ADARB2: variants seen among roughly 807,000 people sequenced by gnomAD.
The protein encoded by ADARB2 is inactive double-stranded RNA-specific editase B2.
Under a neutral mutation model 62.2 loss-of-function variants are expected in ADARB2, and 25 were observed. The ratio of observed to expected loss-of-function variants is 0.40; its 90% CI spans 0.29 to 0.56. The LOEUF (loss-of-function observed/expected upper bound fraction) is 0.56. Among genes scored for constraint, ADARB2 ranks in the 20% least tolerant of loss-of-function variants. The pLI is 0.43. For synonymous variants in ADARB2, 572 were observed against 500.8 expected, an observed-to-expected ratio of 1.14 and a Z score of -1.90; for missense variants, 1,071 against 1,077.4, an observed-to-expected ratio of 0.99 and a Z score of 0.08.
chr10:1,380,433 G>C (rs978849530), intron 1 of ADARB2, among the ~76,000 whole-genome samples: 3 of 152,268 alleles, frequency 2.0e-5, no homozygotes, highest in Non-Finnish European at 4.4e-5. Flanking sequence ...AAGGACGGCT[G>C]TCCACAGGTG....
At chr10:1,590,214 C>G (rs1833234023) in intron 1 of ADARB2, among the ~76,000 whole-genome samples, 1 of 152,172 alleles carries the variant, frequency 6.6e-6, no homozygotes, top group South Asian at 2.1e-4. Flanking sequence ...CATCTGTGCT[C>G]ATTTTCACAT....
chr10:1,452,431 A>T (rs573646911), intron 1 of ADARB2, among the ~76,000 whole-genome samples: 1 of 152,282 alleles, frequency 6.6e-6, no homozygotes, highest in South Asian at 2.1e-4. Flanking sequence ...CTTTCTTAGA[A>T]ATACAGGTGA....
At chr10:1,717,037 T>C (rs1357384531) in intron 1 of ADARB2, among the ~76,000 whole-genome samples, 2 of 151,268 alleles carry the variant, frequency 1.3e-5, no homozygotes, top group Non-Finnish European at 3.0e-5. Context: ...TCTGATCACA[T>C]TATTCTGATC....
At chr10:1,585,897 G>T (rs1443266628) in intron 1 of ADARB2, among the ~76,000 whole-genome samples, 3 of 152,126 alleles carry the variant, frequency 2.0e-5, no homozygotes, top group Admixed American at 2.0e-4. Flanking sequence ...GGCTGGGTGG[G>T]GTGGCGGGCG....
intron 1 of ADARB2, among the ~76,000 whole-genome samples, chr10:1,588,229 A>T (rs1198069274): frequency 1.3e-5 from 2 of 151,828 alleles, no homozygotes. Context: ...GCCCTGAAAC[A>T]CTCACCTTAA....
At chr10:1,424,852 G>A (rs1390151696) in intron 1 of ADARB2, among the ~76,000 whole-genome samples, 5 of 152,292 alleles carry the variant, frequency 3.3e-5, no homozygotes, top group Middle Eastern at 3.4e-3. Flanking sequence ...TGAAGACAAG[G>A]CTAGCCACAA....
At chr10:1,277,907 T>G (rs1295147075) in intron 3 of ADARB2, among the ~76,000 whole-genome samples, 1 of 152,174 alleles carries the variant, frequency 6.6e-6, no homozygotes, top group Non-Finnish European at 1.5e-5. Context: ...TTATCCACCG[T>G]GATCAAGTGG....
intron 3 of ADARB2, among the ~76,000 whole-genome samples, chr10:1,353,085 A>G (rs1037277425): frequency 2.7e-5 from 4 of 150,584 alleles, no homozygotes; most frequent in East Asian, 2.0e-4. Context: ...CTATTCTACT[A>G]CTCCTCAGGG....
At chr10:1,547,974 C>G (rs145221231) in intron 1 of ADARB2, among the ~76,000 whole-genome samples, 1 of 152,000 alleles carries the variant, frequency 6.6e-6, no homozygotes, top group Non-Finnish European at 1.5e-5. Flanking sequence ...ATTCAGGACA[C>G]GTGGTACTTG....
chr10:1,286,553 T>G (rs1831416027), intron 3 of ADARB2, among the ~76,000 whole-genome samples: 1 of 152,194 alleles, frequency 6.6e-6, no homozygotes, highest in South Asian at 2.1e-4. Flanking sequence ...GAAAAATCCC[T>G]TATTGTAGCC....
At chr10:1,375,430 G>A (rs983318948) in intron 2 of ADARB2, among the ~76,000 whole-genome samples, 1 of 152,208 alleles carries the variant, frequency 6.6e-6, no homozygotes, top group African/African-American at 2.4e-5. Flanking sequence ...CTTCCCGCAG[G>A]TATAGGCATG....
intron 1 of ADARB2, among the ~76,000 whole-genome samples, chr10:1,681,198 C>T (rs190558170): frequency 2.2e-3 from 340 of 152,290 alleles, no homozygotes; most frequent in Admixed American, 3.7e-3. Context: ...TCTTTTTTAG[C>T]TGATTTATTT....
intron 7 of ADARB2, 23 bp downstream of exon 7, chr10:1,216,928 C>T (rs747906021): frequency 1.2e-5 from 19 of 1,588,672 alleles, no homozygotes; most frequent in South Asian, 1.1e-4. Context: ...CCAACATCCT[C>T]GAGAGGAAGC....
intron 1 of ADARB2, among the ~76,000 whole-genome samples, chr10:1,473,531 C>T (rs550800003): frequency 6.6e-6 from 1 of 152,230 alleles, no homozygotes; most frequent in African/African-American, 2.4e-5. Context: ...AGACGTGCCA[C>T]CACCCTTGGC....
intron 1 of ADARB2, among the ~76,000 whole-genome samples, chr10:1,679,348 A>G (rs1303772509): frequency 6.6e-6 from 1 of 152,168 alleles, no homozygotes; most frequent in Non-Finnish European, 1.5e-5. Context: ...GCCGGGCACC[A>G]CAATAGCCAA....
intron 1 of ADARB2, among the ~76,000 whole-genome samples, chr10:1,670,992 G>C (rs1385548799): frequency 6.6e-6 from 1 of 152,222 alleles, no homozygotes; most frequent in Non-Finnish European, 1.5e-5. Flanking sequence ...CACACCTCAA[G>C]CCTTTTCCTG....
At chr10:1,485,802 G>A (rs961641665) in intron 1 of ADARB2, among the ~76,000 whole-genome samples, 10 of 152,224 alleles carry the variant, frequency 6.6e-5, no homozygotes, top group African/African-American at 2.4e-4. Flanking sequence ...CCCACCTTGA[G>A]TGTTTGAAAC....
At chr10:1,651,307 G>T (rs572198924) in intron 1 of ADARB2, among the ~76,000 whole-genome samples, 1 of 152,354 alleles carries the variant, frequency 6.6e-6, no homozygotes, top group Admixed American at 6.5e-5. Flanking sequence ...GCCCTGGCTC[G>T]GCGAAGGCCC....
intron 1 of ADARB2, among the ~76,000 whole-genome samples, chr10:1,531,811 T>C (rs1832245014): frequency 2.0e-5 from 3 of 151,908 alleles, no homozygotes. Context: ...CACTCCAGCC[T>C]GGGTGACAGA....
Sources: allele counts gnomAD v4.1 joint callset (sites outside exome capture counted in the v4.1 genomes callset), GRCh38; gene constraint gnomAD v4.1.1; transcripts MANE v1.5; gene names NCBI Gene and HGNC (gene_info 2026-07-23, HGNC 2026-07-21).